The following TASOR2 variants were observed in gnomAD, a reference collection of about 807,000 sequenced individuals.
TASOR2 encodes the protein protein TASOR 2.
Under a neutral mutation model 199.5 loss-of-function variants are expected in TASOR2, and 84 were observed. The observed-to-expected ratio is 0.42, with a 90% CI of 0.35 to 0.50. The LOEUF (loss-of-function observed/expected upper bound fraction) is 0.50. Among genes scored for constraint, TASOR2 ranks in the 20% least tolerant of loss-of-function variants. The pLI, the probability that TASOR2 is intolerant of heterozygous loss-of-function variation, is 0.02. For synonymous variants in TASOR2, 1,103 were observed against 1,046.6 expected (o/e 1.05, Z -1.04); for missense variants, 2,796 against 2,835.9 (o/e 0.99, Z 0.32).
intron 1 of TASOR2, among the ~76,000 whole-genome samples, chr10:5,702,382 G>T (rs989142136): frequency 2.0e-5 from 3 of 152,030 alleles, no homozygotes; most frequent in African/African-American, 7.2e-5. Flanking sequence ...TTGCATCTAT[G>T]TTTATCTGTG....
rs1236109286 is a variant in TASOR2 at position 5,731,104 on chromosome 10, C to G, written c.1105C>G (p.Pro369Ala). ...GAGTAAAAAGGTGAACTTGTGCCGC[C>G]CCTTTCCCAAAAGAACTGCTTCCAG... is the stretch of plus-strand genomic sequence containing the variant. Residue 369 changes from proline (P) to alanine (A), a missense_variant, in exon 11 of 21, where the codon CCC (proline) becomes GCC (alanine). By Grantham distance (27) the Pro-to-Ala change is conservative. This residue lies in a region of TASOR2 where 847 missense variants were observed against 887.4 expected (regional missense o/e 0.95). Coordinates refer to ENST00000328090, the Ensembl canonical transcript of TASOR2. 4 of 1,613,530 alleles carry G rather than the reference C, an allele frequency of 2.5e-6. No homozygotes were observed. The Admixed American group carries it at 6.7e-5, about 27-fold the overall frequency.
chr10:5,757,168 C>T (rs1190031182), intron 16 of TASOR2, among the ~76,000 whole-genome samples: 1 of 152,374 alleles, frequency 6.6e-6, no homozygotes, highest in African/African-American at 2.4e-5. Flanking sequence ...AGGCAGTCGT[C>T]GGTGCTGGCA....
rs371366460 is a variant in TASOR2, at chr10:5,703,503, A to ATTTTTTTTT, written c.-287-9308_-287-9300dup. 3.6e-5 allele frequency among the ~76,000 whole-genome samples: 4 copies of ATTTTTTTTT among 110,258 alleles called. 1 individual carries two copies. The highest frequency in any genetic ancestry group is 3.5e-5 in the African/African-American group (1 of 28,736). 72.3% of individuals were successfully genotyped at this position (110,258 alleles called of 152,430 possible). A position where few individuals can be genotyped will look rare whatever the true frequency, so the allele number is the denominator to read the frequency against. ...TATATTGCTAGTTTAGGTTTTTCTG[A>ATTTTTTTTT]TTTTTTTTTTTTTTTTTTTTGAGAC... On this transcript the variant is annotated intron_variant, in intron 1 of 20. Transcript: ENST00000328090.
chr10:5,749,056 G>T, exon 15 of TASOR2: 5 of 1,614,110 alleles, frequency 3.1e-6, no homozygotes, highest in Non-Finnish European at 4.2e-6. Context: ...CAACCAAGAG[G>T]ACTGGGGCTG....
chr10:5,724,613 T>C (rs1833792232), intron 8 of TASOR2, 80 bp downstream of exon 9: 1 of 92,354 alleles, frequency 1.1e-5, no homozygotes, highest in Non-Finnish European at 1.8e-5. Context: ...ATGGCACATA[T>C]ATATATATTA....
In TASOR2 at chr10:5,742,255, C is replaced by T. The variant is rs1365266627; in HGVS notation, c.2486C>T (p.Thr829Met). Residue 829 changes from threonine (T) to methionine (M), a missense_variant, in exon 14 of 21, where the codon ACG becomes ATG. Thr to Met is a moderately conservative substitution (Grantham distance 81). Coordinates refer to ENST00000328090, the Ensembl canonical transcript of TASOR2. The surrounding 1 kb of genome is among the most constrained non-coding windows in gnomAD (Gnocchi z 4.2). ...GCAAAATATGTGTCTATAAATAGCA[C>T]GTTAGAATCTTGTGAGCTCCGTGAA... 2.5e-6 allele frequency: 4 copies of T among 1,614,116 alleles called. No homozygotes were observed. The highest frequency in any genetic ancestry group is 1.3e-5 in the African/African-American group (1 of 75,014).
Position 5,730,949 on chromosome 10 carries a change from G to A in TASOR2, c.950G>A (p.Arg317Lys), listed in dbSNP as rs376174236. 55 of 1,613,974 alleles carry A rather than the reference G, an allele frequency of 3.4e-5. No individual in the cohort carries two copies. The highest frequency in any genetic ancestry group is 3.6e-5 in the Non-Finnish European group (43 of 1,180,028). The change falls in exon 11 of 21, where the codon AGA becomes AAA. Residue 317 changes from arginine to lysine, a missense_variant. Physicochemically the swap from Arg to Lys is conservative, Grantham distance 26 (BLOSUM62 2). This residue lies in a region of TASOR2 where 847 missense variants were observed against 887.4 expected (regional missense o/e 0.95). Transcript: ENST00000328090. This position sits in a 1 kb window ranked among gnomAD's most constrained non-coding sequence, Gnocchi z 4.1. Reference sequence around the variant, plus strand: ...TTTCTTGTCTCAGAGGCAGAAGTGAGAAAAGAAACTGAAACAAAAAAGGAT... The same window carrying A: ...TTTCTTGTCTCAGAGGCAGAAGTGAAAAAAGAAACTGAAACAAAAAAGGAT...
chr10:5,755,893 G>A (rs1232294769), intron 15 of TASOR2, among the ~76,000 whole-genome samples: 1 of 152,038 alleles, frequency 6.6e-6, no homozygotes, highest in African/African-American at 2.4e-5. Flanking sequence ...CTGGGAGGCT[G>A]AGGTAGGAGG....
Position 5,719,597 on chromosome 10 carries a change from C to A in TASOR2, c.-99-947C>A, listed in dbSNP as rs1388231213. 6.6e-6 allele frequency among the ~76,000 whole-genome samples: 1 copy of A among 152,146 alleles called. No individual in the cohort carries two copies. Among genetic ancestry groups the A allele is most frequent in the Non-Finnish European group, 1.5e-5 (1 of 68,024 alleles). On this transcript the variant is annotated intron_variant, in intron 3 of 20. Coordinates refer to ENST00000328090, the Ensembl canonical transcript of TASOR2. The surrounding 1 kb of genome is among the most constrained non-coding windows in gnomAD (Gnocchi z 4.1). ...TGATCTCATGATCTGCCCGCCTCGG[C>A]CTCCCAAAGTGCTGGGTTACAGTTG...
At chr10:5,686,910 T>A (rs1835875889) in intron 1 of TASOR2, among the ~76,000 whole-genome samples, 1 of 152,182 alleles carries the variant, frequency 6.6e-6, no homozygotes, top group Non-Finnish European at 1.5e-5. Flanking sequence ...GAAAAAGAGC[T>A]TTGGGTTTTT....
intron 1 of TASOR2, among the ~76,000 whole-genome samples, chr10:5,711,829 G>T (rs1354852254): frequency 2.0e-5 from 3 of 152,014 alleles, no homozygotes; most frequent in Admixed American, 1.3e-4. Flanking sequence ...CTCACAGGAA[G>T]TAAAACTCAA....
exon 17 of TASOR2, chr10:5,757,664 G>A (rs747323637): frequency 1.2e-6 from 2 of 1,612,396 alleles, no homozygotes; most frequent in Non-Finnish European, 1.7e-6. Flanking sequence ...ACTAGAAGCT[G>A]TAACATTAGG....
intron 1 of TASOR2, among the ~76,000 whole-genome samples, chr10:5,696,735 G>A (rs1040514162): frequency 3.9e-5 from 6 of 152,008 alleles, no homozygotes; most frequent in African/African-American, 1.5e-4. Context: ...AGTCTCTAAT[G>A]AAAAAGAGAC....
exon 15 of TASOR2, chr10:5,749,607 T>C (rs1444518999): frequency 1.2e-6 from 2 of 1,614,100 alleles, no homozygotes; most frequent in Admixed American, 3.3e-5. Flanking sequence ...CAGCCAGCAG[T>C]CTGGACAGCT....
intron 19 of TASOR2, 39 bp downstream of exon 20, chr10:5,761,510 T>G (rs745617970): frequency 6.9e-6 from 11 of 1,585,404 alleles, no homozygotes; most frequent in Non-Finnish European, 8.6e-6. Flanking sequence ...AATGCCAAAA[T>G]TGGTCAGCTC....
At position 5,722,123 on chromosome 10, in the gene TASOR2, T is replaced by C. The variant is rs1311806493; in HGVS notation, c.146+1153T>C. Among the ~76,000 whole-genome samples, 1 of 152,178 alleles carries C rather than the reference T, an allele frequency of 6.6e-6. No homozygotes were observed. Among genetic ancestry groups the C allele is most frequent in the East Asian group, 1.9e-4 (1 of 5,202 alleles). On this transcript the variant is annotated intron_variant, in intron 6 of 20. Coordinates refer to ENST00000328090, the Ensembl canonical transcript of TASOR2. The surrounding 1 kb of genome is among the most constrained non-coding windows in gnomAD (Gnocchi z 4.0). ...GTCATAGTATCGTTATCATTGTGAATGTGTTGATTTTGCTTATTGCTTTGG... is the reference window on the plus strand; with the variant it reads ...GTCATAGTATCGTTATCATTGTGAACGTGTTGATTTTGCTTATTGCTTTGG...
rs1227023508 is a variant in TASOR2 at position 5,720,623 on chromosome 10, G to A, written c.-20G>A. ...TGTCCTTATGTAATTGTAGCTTTTC[G>A]ATACAGGGAATCTAAAACTATGGCA... On this transcript the variant is annotated 5_prime_UTR_variant, in exon 4 of 21. Coordinates refer to ENST00000328090, the Ensembl canonical transcript of TASOR2. This position sits in a 1 kb window ranked among gnomAD's most constrained non-coding sequence, Gnocchi z 5.3. The A allele has an allele frequency of 5.0e-6, 8 of 1,613,854 alleles. No individual in the cohort carries two copies. Among genetic ancestry groups the A allele is most frequent in the African/African-American group, 4.0e-5 (3 of 75,008 alleles).
chr10:5,696,556 T>C (rs1837180745), intron 1 of TASOR2, among the ~76,000 whole-genome samples: 1 of 152,154 alleles, frequency 6.6e-6, no homozygotes, highest in Non-Finnish European at 1.5e-5. Flanking sequence ...GGGGTCTCAC[T>C]ATGTTGCCAG....
At chr10:5,707,056 A>G (rs532609154) in intron 1 of TASOR2, among the ~76,000 whole-genome samples, 4 of 152,274 alleles carry the variant, frequency 2.6e-5, no homozygotes, top group Admixed American at 2.0e-4. Context: ...ATCATTAATA[A>G]CAATAGCTTC....
Sources: allele counts gnomAD v4.1 joint callset (sites outside exome capture counted in the v4.1 genomes callset), GRCh38; gene constraint gnomAD v4.1.1; regional missense constraint gnomAD v4.1.1; non-coding constraint Gnocchi (gnomAD v3.1); transcripts MANE v1.5; gene names NCBI Gene and HGNC (gene_info 2026-07-23, HGNC 2026-07-21).